Variants in RPS6KC1 observed in about 807,000 individuals in gnomAD.
RPS6KC1 encodes the protein inactive ribosomal protein S6 kinase delta-1.
In RPS6KC1, 54 loss-of-function variants were observed where a neutral mutation model predicts 103.8. The ratio of observed to expected loss-of-function variants is 0.52; its 90% confidence interval spans 0.42 to 0.65. The LOEUF (loss-of-function observed/expected upper bound fraction) is 0.65, where lower values mean the gene tolerates loss of function less well. Ranked by LOEUF, RPS6KC1 falls within the 30% of genes least tolerant of loss-of-function variation. RPS6KC1 has a pLI of 0.00. For missense variants in RPS6KC1, 1,151 were observed against 1,253.8 expected (o/e 0.92, Z 1.24); for synonymous variants, 439 against 438.7 (o/e 1.00, Z -0.01).
chr1:213,239,886 G>A (rs1008287740), intron 10 of RPS6KC1, among the ~76,000 whole-genome samples: 2 of 152,090 alleles, frequency 1.3e-5, no homozygotes, highest in African/African-American at 4.8e-5. Flanking sequence ...AGTTATAATT[G>A]ACAAAGGGAT....
chr1:213,753,671 C>T, the RPS6KC1 span, among the ~76,000 whole-genome samples: 1 of 152,152 alleles, frequency 6.6e-6, no homozygotes, highest in Non-Finnish European at 1.5e-5. Context: ...TTTCCAGGTA[C>T]CTGTAGGACA....
At chr1:213,860,103 G>A in the RPS6KC1 span, among the ~76,000 whole-genome samples, 4 of 150,704 alleles carry the variant, frequency 2.7e-5, no homozygotes, top group East Asian at 5.8e-4. Flanking sequence ...ATATAGATAC[G>A]TATATATATT....
chr1:213,665,747 T>A, the RPS6KC1 span, among the ~76,000 whole-genome samples: 2 of 152,226 alleles, frequency 1.3e-5, no homozygotes, highest in African/African-American at 4.8e-5. Context: ...TTCACTACAC[T>A]GTTGTTTGTA....
chr1:213,644,682 G>T, the RPS6KC1 span, among the ~76,000 whole-genome samples: 1 of 152,100 alleles, frequency 6.6e-6, no homozygotes, highest in African/African-American at 2.4e-5. Context: ...TTTCCTCCAT[G>T]TCTTTTCATG....
intron 7 of RPS6KC1, among the ~76,000 whole-genome samples, 162 bp from the exon 8 acceptor site, chr1:213,176,238 A>T (rs1003576633): frequency 6.6e-5 from 10 of 151,930 alleles, no homozygotes; most frequent in East Asian, 1.9e-4. Flanking sequence ...TTTTATTTTT[A>T]AAAATTTTAT....
chr1:213,240,065 C>T (rs1020115747), intron 10 of RPS6KC1, among the ~76,000 whole-genome samples: 2 of 152,066 alleles, frequency 1.3e-5, no homozygotes, highest in Non-Finnish European at 2.9e-5. Context: ...ATTTCCGTAG[C>T]TTGCTTTATT....
At chr1:213,699,196 C>T in the RPS6KC1 span, among the ~76,000 whole-genome samples, 3 of 151,972 alleles carry the variant, frequency 2.0e-5, no homozygotes, top group African/African-American at 7.2e-5. Context: ...TCCCCACTTC[C>T]CTCACACCTC....
chr1:213,230,195 G>T (rs1467699185), intron 8 of RPS6KC1, among the ~76,000 whole-genome samples: 2 of 152,008 alleles, frequency 1.3e-5, no homozygotes, highest in Non-Finnish European at 2.9e-5. Flanking sequence ...GTTCCAAGAG[G>T]AAAAACTCTG....
chr1:213,859,153 G>C, the RPS6KC1 span, among the ~76,000 whole-genome samples: 62 of 152,182 alleles, frequency 4.1e-4, no homozygotes, highest in Non-Finnish European at 6.8e-4. Context: ...TGGCATTTGT[G>C]CTTTTCTAGG....
chr1:213,352,627 G>A, the RPS6KC1 span, among the ~76,000 whole-genome samples: 1 of 152,202 alleles, frequency 6.6e-6, no homozygotes, highest in Non-Finnish European at 1.5e-5. Flanking sequence ...TCAGTTGGAA[G>A]GAGGCTTCTA....
At chr1:213,118,413 AAT>A (rs1459274155) in intron 5 of RPS6KC1, among the ~76,000 whole-genome samples, 1 of 152,144 alleles carries the variant, frequency 6.6e-6, no homozygotes, top group African/African-American at 2.4e-5. Flanking sequence ...TTAAAGGTAA[AAT>A]AATAAACTAA....
chr1:213,185,485 A>G (rs2092479037), intron 8 of RPS6KC1, among the ~76,000 whole-genome samples: 1 of 151,902 alleles, frequency 6.6e-6, no homozygotes, highest in African/African-American at 2.4e-5. Flanking sequence ...CATCTCTACT[A>G]AAAAATACAA....
the RPS6KC1 span, among the ~76,000 whole-genome samples, chr1:213,797,708 G>A: frequency 6.6e-6 from 1 of 152,290 alleles, no homozygotes; most frequent in South Asian, 2.1e-4. Flanking sequence ...TTGATCACCA[G>A]GTTGAGAACT....
chr1:213,275,555 T>G (rs1052596639), downstream of RPS6KC1, among the ~76,000 whole-genome samples: 3 of 152,224 alleles, frequency 2.0e-5, no homozygotes, highest in African/African-American at 7.2e-5. Flanking sequence ...GACATGGACC[T>G]TTTCAACTTG....
the RPS6KC1 span, among the ~76,000 whole-genome samples, chr1:213,471,378 A>C: frequency 1.3e-5 from 2 of 152,292 alleles, no homozygotes; most frequent in African/African-American, 4.8e-5. Context: ...CAGAATCCCA[A>C]ATGTCTACTT....
the RPS6KC1 span, among the ~76,000 whole-genome samples, chr1:213,553,227 G>A: frequency 2.0e-5 from 3 of 152,086 alleles, no homozygotes; most frequent in African/African-American, 7.2e-5. Context: ...TGCACTCAAT[G>A]TTTAGCTCCC....
At chr1:213,310,833 G>A in the RPS6KC1 span, among the ~76,000 whole-genome samples, 1 of 152,228 alleles carries the variant, frequency 6.6e-6, no homozygotes, top group Non-Finnish European at 1.5e-5. Context: ...GTTTTGCCAA[G>A]TGGGCTGGTG....
intron 14 of RPS6KC1, among the ~76,000 whole-genome samples, chr1:213,268,946 A>G (rs1364787731): frequency 6.6e-6 from 1 of 152,216 alleles, no homozygotes; most frequent in East Asian, 1.9e-4. Context: ...GGAAGAACAA[A>G]TAAGACAGTA....
At chr1:213,604,735 C>T in the RPS6KC1 span, among the ~76,000 whole-genome samples, 1 of 152,196 alleles carries the variant, frequency 6.6e-6, no homozygotes, top group Non-Finnish European at 1.5e-5. Flanking sequence ...TGGCTCCATT[C>T]CTGTAGACTC....
Sources: gnomAD v4.1 joint callset for allele counts (sites outside exome capture counted in the v4.1 genomes callset) on GRCh38, gnomAD v4.1.1 for gene constraint, MANE v1.5 for transcripts, NCBI Gene and HGNC (gene_info 2026-07-23, HGNC 2026-07-21) for gene names.